MBD5: variants seen among roughly 807,000 people sequenced by gnomAD.
MBD5 encodes the protein methyl-CpG binding domain protein 5.
A neutral mutation model predicts 117.3 loss-of-function variants in MBD5; 13 were observed. That is an observed-to-expected ratio of 0.11 (90% confidence interval 0.07 to 0.18). MBD5 has a LOEUF of 0.18. MBD5 is among the 10% of genes least tolerant of loss of function. The pLI is 1.00. For synonymous variants in MBD5, 727 were observed against 766.4 expected, an observed-to-expected ratio of 0.95 and a Z score of 0.85; for missense variants, 1,879 against 2,093.8, an observed-to-expected ratio of 0.90 and a Z score of 2.00.
intron 4 of MBD5, among the ~76,000 whole-genome samples, chr2:148,384,549 T>C (rs1446825497): frequency 1.3e-5 from 2 of 152,196 alleles, no homozygotes; most frequent in African/African-American, 4.8e-5. Context: ...AGGTAACTTA[T>C]AGATTCAATG....
chr2:148,241,995 A>G (rs1700225155), intron 3 of MBD5, among the ~76,000 whole-genome samples: 1 of 151,934 alleles, frequency 6.6e-6, no homozygotes, highest in Non-Finnish European at 1.5e-5. Context: ...TTGCTTTATT[A>G]TTTCATTTCA....
chr2:148,258,963 C>T (rs1166532598), intron 3 of MBD5, among the ~76,000 whole-genome samples: 1 of 152,132 alleles, frequency 6.6e-6, no homozygotes, highest in Non-Finnish European at 1.5e-5. Flanking sequence ...GTGGGGACAG[C>T]AGCTAGGGAG....
At chr2:148,106,642 T>C (rs1696380432) in intron 1 of MBD5, among the ~76,000 whole-genome samples, 1 of 151,920 alleles carries the variant, frequency 6.6e-6, no homozygotes, top group Non-Finnish European at 1.5e-5. Flanking sequence ...ATTGCCTTCT[T>C]TTTGTATTAC....
At chr2:148,422,222 C>T (rs1425970176) in intron 4 of MBD5, among the ~76,000 whole-genome samples, 1 of 152,134 alleles carries the variant, frequency 6.6e-6, no homozygotes, top group African/African-American at 2.4e-5. Context: ...TGGGAAGAAG[C>T]TTCCAGAGGA....
intron 4 of MBD5, among the ~76,000 whole-genome samples, chr2:148,400,193 G>C (rs1404635611): frequency 6.6e-6 from 1 of 152,014 alleles, no homozygotes; most frequent in Non-Finnish European, 1.5e-5. Flanking sequence ...AATGTTGATA[G>C]AATCCTTTTT....
In MBD5 at chr2:148,513,108, A is replaced by G. The variant is rs1410526956; in HGVS notation, c.*167A>G. On this transcript the variant is annotated 3_prime_UTR_variant, in exon 14 of 14. Transcript: ENST00000642680. ...ACAGTGATACAAAATTTTTTTGATCAGGAAGGATAATGAATGCTGGAAAAG... is the reference window on the plus strand; with the variant it reads ...ACAGTGATACAAAATTTTTTTGATCGGGAAGGATAATGAATGCTGGAAAAG... 1.0e-5 allele frequency: 7 copies of G among 673,392 alleles called. No individual in the cohort carries two copies. In the East Asian group the frequency reaches 1.1e-4, roughly 11 times the overall value. 41.7% of individuals were successfully genotyped at this position (673,392 alleles called of 1,614,324 possible).
intron 3 of MBD5, among the ~76,000 whole-genome samples, chr2:148,281,772 C>G (rs1701252391): frequency 6.6e-6 from 1 of 152,060 alleles, no homozygotes; most frequent in South Asian, 2.1e-4. Context: ...ATTTGTCTCC[C>G]TCCTCTGTCT....
chr2:148,205,458 A>G (rs544301344), intron 2 of MBD5, among the ~76,000 whole-genome samples: 4 of 152,314 alleles, frequency 2.6e-5, no homozygotes, highest in African/African-American at 9.6e-5. Flanking sequence ...ATAATTTAAC[A>G]ATACAAGGAA....
chr2:148,118,521 A>C (rs1178284860), intron 1 of MBD5, among the ~76,000 whole-genome samples: 1 of 151,800 alleles, frequency 6.6e-6, no homozygotes, highest in Non-Finnish European at 1.5e-5. Flanking sequence ...AGGCGGGAGA[A>C]TCTCTTAAGC....
intron 2 of MBD5, among the ~76,000 whole-genome samples, chr2:148,180,116 G>A (rs543240559): frequency 2.0e-5 from 3 of 151,308 alleles, no homozygotes; most frequent in Non-Finnish European, 2.9e-5. Context: ...ACTGTTTAAT[G>A]ATTTTTGCCA....
intron 1 of MBD5, chr2:148,071,756 A>G (rs1401686554): frequency 6.6e-6 from 1 of 152,218 alleles, no homozygotes; most frequent in Non-Finnish European, 1.5e-5. Context: ...TGAAAAACAA[A>G]GCCCATTGCT....
At chr2:148,460,796 A>G (rs879876805) in intron 5 of MBD5, among the ~76,000 whole-genome samples, 2 of 152,222 alleles carry the variant, frequency 1.3e-5, no homozygotes, top group Admixed American at 1.3e-4. Context: ...TAAGGAATTC[A>G]TGTCTTCAGG....
At chr2:148,419,916 C>T (rs1402029369) in intron 4 of MBD5, among the ~76,000 whole-genome samples, 1 of 152,112 alleles carries the variant, frequency 6.6e-6, no homozygotes, top group Non-Finnish European at 1.5e-5. Flanking sequence ...TGGAGGAACT[C>T]ATTTCTATCA....
At chr2:148,380,409 G>A (rs928096959) in intron 4 of MBD5, among the ~76,000 whole-genome samples, 2 of 152,066 alleles carry the variant, frequency 1.3e-5, no homozygotes, top group Admixed American at 6.5e-5. Flanking sequence ...TCAAAGAATT[G>A]TTGTCTCATA....
At chr2:148,169,496 A>T (rs1698206068) in intron 1 of MBD5, among the ~76,000 whole-genome samples, 1 of 152,228 alleles carries the variant, frequency 6.6e-6, no homozygotes, top group Non-Finnish European at 1.5e-5. Flanking sequence ...TACAAGTTAC[A>T]CAAAAATCAC....
At chr2:148,302,632 G>GT (rs60974906) in intron 3 of MBD5, among the ~76,000 whole-genome samples, 22,476 of 151,414 alleles carry the variant, frequency 0.15, 2,009 homozygotes, top group Non-Finnish European at 0.18. Flanking sequence ...GTTTTTGTTT[G>GT]TTTTTTTTCT....
intron 1 of MBD5, among the ~76,000 whole-genome samples, chr2:148,093,381 A>G (rs953758331): frequency 2.6e-5 from 4 of 152,104 alleles, no homozygotes; most frequent in African/African-American, 7.2e-5. Context: ...TGTTATTTGT[A>G]TTATCAGTCA....
chr2:148,476,859 A>G (rs1161301919), intron 8 of MBD5, among the ~76,000 whole-genome samples: 1 of 152,174 alleles, frequency 6.6e-6, no homozygotes, highest in African/African-American at 2.4e-5. Flanking sequence ...AAGACTTCCA[A>G]TTGGAATATT....
intron 1 of MBD5, among the ~76,000 whole-genome samples, chr2:148,145,587 G>C (rs928615399): frequency 6.6e-6 from 1 of 152,142 alleles, no homozygotes; most frequent in Non-Finnish European, 1.5e-5. Flanking sequence ...CTGTGGGTTT[G>C]TCATAAATAG....
Sources: gnomAD v4.1 joint callset for allele counts (sites outside exome capture counted in the v4.1 genomes callset) on GRCh38, gnomAD v4.1.1 for gene constraint, MANE v1.5 for transcripts, NCBI Gene and HGNC (gene_info 2026-07-23, HGNC 2026-07-21) for gene names.